ZNF385D: variants seen among roughly 807,000 people sequenced by gnomAD.
ZNF385D encodes zinc finger protein 659.
ZNF385D carries 15 observed loss-of-function variants against 35.8 expected under a neutral mutation model. The observed-to-expected ratio is 0.42, with a 90% CI of 0.28 to 0.64. The LOEUF is 0.64. Ranked by LOEUF, ZNF385D falls within the 30% of genes least tolerant of loss-of-function variation. ZNF385D has a pLI of 0.23. For missense variants in ZNF385D, 474 were observed against 494.6 expected (o/e 0.96, Z 0.39); for synonymous variants, 212 against 186.8 (o/e 1.13, Z -1.10).
chr3:21,808,951 G>A (rs1306904922), intron 3 of ZNF385D, among the ~76,000 whole-genome samples: 1 of 152,114 alleles, frequency 6.6e-6, no homozygotes, highest in African/African-American at 2.4e-5. Context: ...GTTCTCGAAG[G>A]GCAACCAGGA....
chr3:22,339,641 T>C (rs909327621), intron 2 of ZNF385D, among the ~76,000 whole-genome samples: 1 of 152,210 alleles, frequency 6.6e-6, no homozygotes. Flanking sequence ...GAAAGGCGAT[T>C]ATCCTTGCTA....
chr3:21,426,037 TA>T (rs1273361603), intron 5 of ZNF385D, among the ~76,000 whole-genome samples: 1 of 152,142 alleles, frequency 6.6e-6, no homozygotes, highest in Non-Finnish European at 1.5e-5. Context: ...TAACAAGACA[TA>T]AATGATACCT....
intron 3 of ZNF385D, among the ~76,000 whole-genome samples, chr3:21,760,423 A>G (rs2070551088): frequency 6.6e-6 from 1 of 152,186 alleles, no homozygotes; most frequent in South Asian, 2.1e-4. Context: ...ATAGCCTCTT[A>G]TAAAGTATCT....
At chr3:22,036,751 G>A (rs1214826066) in intron 3 of ZNF385D, among the ~76,000 whole-genome samples, 1 of 143,672 alleles carries the variant, frequency 7.0e-6, no homozygotes, top group Admixed American at 7.1e-5. Flanking sequence ...TAGGGTACAT[G>A]TGCACAACGT....
At chr3:22,090,849 C>G (rs1490160792) in intron 3 of ZNF385D, among the ~76,000 whole-genome samples, 2 of 152,170 alleles carry the variant, frequency 1.3e-5, no homozygotes, top group Non-Finnish European at 2.9e-5. Flanking sequence ...CTTCCTTGGC[C>G]TGCAAATCTT....
chr3:22,009,397 G>T (rs1696424179), intron 3 of ZNF385D, among the ~76,000 whole-genome samples: 1 of 152,064 alleles, frequency 6.6e-6, no homozygotes, highest in Non-Finnish European at 1.5e-5. Context: ...GCCAAGTCAG[G>T]CAGATCAAGA....
intron 3 of ZNF385D, among the ~76,000 whole-genome samples, chr3:21,931,456 G>A (rs1239393246): frequency 6.6e-6 from 1 of 152,100 alleles, no homozygotes; most frequent in African/African-American, 2.4e-5. Context: ...TTACTTAAAT[G>A]AAAAACGTAT....
At chr3:22,354,147 G>A (rs1377548194) in intron 2 of ZNF385D, among the ~76,000 whole-genome samples, 9 of 151,954 alleles carry the variant, frequency 5.9e-5, no homozygotes, top group Non-Finnish European at 1.3e-4. Flanking sequence ...ACTGATTACT[G>A]GATTTTTTAT....
In ZNF385D at chr3:21,732,027, GGGGTTTTTTTTTTTTTTTTTTTTTTTTTT is replaced by G. The variant is rs1356120023; in HGVS notation, c.22+18839_22+18867del. ...CTATTCAGGGTTTTTTTCTTTTTTCGGGGTTTTTTTTTTTTTTTTTTTTTTTTTTTTTTTTTTTTTTTGAGAACGGAGTT... is the reference window on the plus strand; with the variant it reads ...CTATTCAGGGTTTTTTTCTTTTTTCGTTTTTTTTTTTTTGAGAACGGAGTT... On this transcript the variant is annotated intron_variant, in intron 1 of 7. Coordinates refer to ENST00000281523, the MANE Select transcript of ZNF385D (RefSeq NM_024697.3). Among the ~76,000 whole-genome samples the G allele has an allele frequency of 1.6e-4, 10 of 64,278 alleles. 2 individuals are homozygous for G. Among genetic ancestry groups the G allele is most frequent in the African/African-American group, 8.3e-4 (10 of 12,034 alleles). 42.2% of individuals were successfully genotyped at this position (64,278 alleles called of 152,430 possible).
At chr3:21,777,927 AT>A (rs1559613254) in intron 3 of ZNF385D, among the ~76,000 whole-genome samples, 1 of 151,850 alleles carries the variant, frequency 6.6e-6, no homozygotes, top group Non-Finnish European at 1.5e-5. Flanking sequence ...AAGAAGCGGA[AT>A]TGTCCAGCTG....
At chr3:21,556,656 T>C (rs2062752900) in intron 3 of ZNF385D, among the ~76,000 whole-genome samples, 1 of 152,206 alleles carries the variant, frequency 6.6e-6, no homozygotes, top group African/African-American at 2.4e-5. Flanking sequence ...CCAGGTAACA[T>C]GATAACCTCC....
In ZNF385D at chr3:21,471,326, CA is replaced by C. The variant is rs1336431221; in HGVS notation, c.440-34124del. On this transcript the variant is annotated intron_variant, in intron 4 of 7. Coordinates refer to ENST00000281523, the MANE Select transcript of ZNF385D (RefSeq NM_024697.3). ...ACACACACACACACACACACACACA[CA>C]CACACACACCTTGGTGATGGCTGTT... 4.8e-5 allele frequency among the ~76,000 whole-genome samples: 7 copies of C among 145,936 alleles called. No homozygotes were observed. In the South Asian group the frequency reaches 6.6e-4, roughly 14 times the overall value.
At chr3:21,933,970 T>A (rs1003695232) in intron 3 of ZNF385D, among the ~76,000 whole-genome samples, 1 of 151,570 alleles carries the variant, frequency 6.6e-6, no homozygotes, top group African/African-American at 2.4e-5. Flanking sequence ...GCCTCTCAAT[T>A]AGTCACTATT....
intron 3 of ZNF385D, among the ~76,000 whole-genome samples, chr3:21,863,827 G>C (rs973130359): frequency 6.6e-6 from 1 of 152,154 alleles, no homozygotes; most frequent in Non-Finnish European, 1.5e-5. Flanking sequence ...TGTGCATGCA[G>C]AGGGAAGTGG....
chr3:21,608,012 C>CTT (rs368555930), intron 2 of ZNF385D, among the ~76,000 whole-genome samples: 36 of 123,968 alleles, frequency 2.9e-4, no homozygotes, highest in African/African-American at 5.6e-4. Context: ...TCTTTTTCTT[C>CTT]TTTTTTTTTT....
chr3:21,487,367 G>T (rs947607107), intron 4 of ZNF385D, among the ~76,000 whole-genome samples: 1 of 151,926 alleles, frequency 6.6e-6, no homozygotes, highest in Non-Finnish European at 1.5e-5. Flanking sequence ...TAATTATATG[G>T]CCCCAATATA....
chr3:21,462,062 A>G (rs1703214217), intron 4 of ZNF385D, among the ~76,000 whole-genome samples: 1 of 152,198 alleles, frequency 6.6e-6, no homozygotes, highest in East Asian at 1.9e-4. Flanking sequence ...TTCATCGCTG[A>G]AGTTTGACAG....
At chr3:22,313,447 AACAT>A (rs1703698703) in intron 2 of ZNF385D, among the ~76,000 whole-genome samples, 1 of 152,148 alleles carries the variant, frequency 6.6e-6, no homozygotes, top group African/African-American at 2.4e-5. Flanking sequence ...AAAAAAATAC[AACAT>A]GGACTGTAGA....
intron 2 of ZNF385D, among the ~76,000 whole-genome samples, chr3:22,237,010 C>T (rs911142621): frequency 1.3e-5 from 2 of 152,080 alleles, no homozygotes; most frequent in African/African-American, 4.8e-5. Flanking sequence ...TAAGAATTTA[C>T]GTGAATATGT....
Sources: gnomAD v4.1 joint callset for allele counts (sites outside exome capture counted in the v4.1 genomes callset) on GRCh38, gnomAD v4.1.1 for gene constraint, MANE v1.5 for transcripts, NCBI Gene and HGNC (gene_info 2026-07-23, HGNC 2026-07-21) for gene names.